The following ATP1A4 variants were observed in gnomAD, a reference collection of about 807,000 sequenced individuals.
The protein encoded by ATP1A4 is sodium/potassium-transporting ATPase subunit alpha-4.
ATP1A4 carries 90 observed loss-of-function variants against 114.3 expected under a neutral mutation model. The ratio of observed to expected loss-of-function variants is 0.79; its 90% confidence interval spans 0.66 to 0.94. The LOEUF (loss-of-function observed/expected upper bound fraction) is 0.94, where lower values mean the gene tolerates loss of function less well. Ranked by LOEUF, ATP1A4 falls within the 40% of genes least tolerant of loss-of-function variation. ATP1A4 has a pLI of 0.00. For synonymous variants in ATP1A4, 511 were observed against 494.1 expected (o/e 1.03, Z -0.45); for missense variants, 1,222 against 1,313.6 (o/e 0.93, Z 1.08).
chr1:160,174,252 T>TCAG lies in ATP1A4; in HGVS notation c.2134_2136dup (p.Gln712dup). 1 of 1,614,032 alleles carries TCAG rather than the reference T, an allele frequency of 6.2e-7. No homozygotes were observed. The highest frequency in any genetic ancestry group is 8.5e-7 in the Non-Finnish European group (1 of 1,179,996). Reference sequence around the variant, plus strand: ...AGAAGCTCATCATTGTCGAGGGATGTCAGAGGCTGGTAAGGAACGAAAAGG... The same window carrying TCAG: ...AGAAGCTCATCATTGTCGAGGGATGTCAGCAGAGGCTGGTAAGGAACGAAAAGG... On this transcript the variant is annotated inframe_insertion, in exon 14 of 22. Transcript: ENST00000368081.
chr1:160,179,433 T>A (rs1303544990), intron 18 of ATP1A4, among the ~76,000 whole-genome samples: 1 of 152,256 alleles, frequency 6.6e-6, no homozygotes, highest in Non-Finnish European at 1.5e-5. Context: ...AAGTTAAGAA[T>A]TCCCCCCTGC....
At position 160,181,543 on chromosome 1, in the gene ATP1A4, G is replaced by A. The variant is rs541263601; in HGVS notation, c.2737-141G>A. 104 of 941,814 alleles carry A rather than the reference G, an allele frequency of 1.1e-4. 1 individual carries two copies. In the African/African-American group the frequency reaches 1.5e-3, roughly 14 times the overall value. 58.3% of individuals were successfully genotyped at this position (941,814 alleles called of 1,614,324 possible). A position where few individuals can be genotyped will look rare whatever the true frequency, so the allele number is the denominator to read the frequency against. On this transcript the variant is annotated intron_variant, in intron 18 of 21. Transcript: ENST00000368081. ...GCACTCCAGCCTAGGCAACAAGAGC[G>A]AGACTTAGTCTCAAAAAAAAAAAAA...
At chr1:160,161,103 T>C (rs1652850300) in intron 6 of ATP1A4, among the ~76,000 whole-genome samples, 1 of 152,176 alleles carries the variant, frequency 6.6e-6, no homozygotes, top group Non-Finnish European at 1.5e-5. Context: ...AAACCCAACA[T>C]GTGGCCAAGA....
intron 10 of ATP1A4, chr1:160,170,811 C>T (rs1653222862): frequency 6.4e-6 from 1 of 155,176 alleles, no homozygotes; most frequent in Non-Finnish European, 1.4e-5. Flanking sequence ...TCTTGAACTC[C>T]TGACCTCAAG....
rs200792972 is a variant in ATP1A4 at position 160,166,614 on chromosome 1, G to A, written c.1134G>A (p.Thr378=). The A allele has an allele frequency of 2.2e-5, 35 of 1,614,104 alleles. No homozygotes were observed. Among genetic ancestry groups the A allele is most frequent in the South Asian group, 1.2e-4 (11 of 91,086 alleles). Residue 378 remains threonine, a synonymous_variant, in exon 8 of 22, where the codon ACG becomes ACA. Coordinates refer to ENST00000368081, the MANE Select transcript of ATP1A4 (RefSeq NM_144699.4). ...NLEAVETLGS[T]STICSDKTGT... ...AGGCGGTGGAGACGCTGGGCTCCAC[G>A]TCCACCATCTGCTCAGACAAGACGG...
intron 20 of ATP1A4, among the ~76,000 whole-genome samples, chr1:160,185,205 C>G (rs910863321): frequency 6.6e-6 from 1 of 151,842 alleles, no homozygotes; most frequent in African/African-American, 2.4e-5. Context: ...CTCCGCCTCC[C>G]GGGTTCAAGT....
chr1:160,155,012 C>G (rs1368444650), intron 2 of ATP1A4, 33 bp from the exon 3 acceptor site: 1 of 1,600,564 alleles, frequency 6.2e-7, no homozygotes, highest in Admixed American at 1.7e-5. Flanking sequence ...CTTTTCACAG[C>G]TCTCTATCCA....
intron 2 of ATP1A4, among the ~76,000 whole-genome samples, chr1:160,153,699 A>C (rs1170411874): frequency 1.3e-5 from 2 of 152,192 alleles, no homozygotes; most frequent in Non-Finnish European, 2.9e-5. Context: ...AGCATCTTAC[A>C]TTTTTGCAAA....
chr1:160,154,391 G>A (rs926319624), intron 2 of ATP1A4, among the ~76,000 whole-genome samples: 1 of 151,978 alleles, frequency 6.6e-6, no homozygotes, highest in Non-Finnish European at 1.5e-5. Context: ...AAATGGATAT[G>A]TAGATGTACA....
chr1:160,171,642 A>G lies in ATP1A4; in HGVS notation c.1739A>G (p.Asp580Gly). 1.2e-6 allele frequency: 2 copies of G among 1,614,162 alleles called. No homozygotes were observed. Among genetic ancestry groups the G allele is most frequent in the Non-Finnish European group, 1.7e-6 (2 of 1,180,028 alleles). Residue 580 changes from aspartate (D) to glycine (G), a missense_variant, in exon 12 of 22, where the codon GAT becomes GGT. Transcript: ENST00000368081. ...TCCAAGGGATTCCCATTTAATACAG[A>G]TGAAATAAATTTCCCCATGGACAAC... ...SFSKGFPFNT[D>G]EINFPMDNLC...
chr1:160,155,139 G>A lies in ATP1A4; in HGVS notation c.302G>A (p.Cys101Tyr), dbSNP rs2102009370. ...ACCACTCCAGAATGGGTCAAATTCT[G>A]TAAGCAACTGTTCGGAGGCTTCTCC... is the stretch of plus-strand genomic sequence containing the variant. ...PPTTPEWVKFCKQLFGGFSLL... is the reference protein window; with the variant it reads ...PPTTPEWVKFYKQLFGGFSLL... The change falls in exon 3 of 22, where the codon TGT becomes TAT. Residue 101 changes from cysteine to tyrosine, a missense_variant. Physicochemically the swap from Cys to Tyr is radical, Grantham distance 194. Transcript: ENST00000368081. 1.2e-6 allele frequency: 2 copies of A among 1,610,540 alleles called. No homozygotes were observed. The highest frequency in any genetic ancestry group is 1.7e-6 in the Non-Finnish European group (2 of 1,178,372).
At chr1:160,163,638 C>A (rs1652934224) in intron 6 of ATP1A4, among the ~76,000 whole-genome samples, 1 of 152,130 alleles carries the variant, frequency 6.6e-6, no homozygotes. Context: ...CAGTAACCCT[C>A]CACATGGTCA....
intron 18 of ATP1A4, among the ~76,000 whole-genome samples, chr1:160,180,694 C>CTTTTTT (rs536915261): frequency 1.5e-5 from 1 of 68,486 alleles, no homozygotes; most frequent in African/African-American, 6.5e-5. Flanking sequence ...GCCTTCTTCC[C>CTTTTTT]TTTTTTTTTT....
intron 18 of ATP1A4, among the ~76,000 whole-genome samples, chr1:160,178,934 T>G (rs1284353658): frequency 6.6e-6 from 1 of 152,252 alleles, no homozygotes; most frequent in Non-Finnish European, 1.5e-5. Context: ...CAATTATTGC[T>G]AGAATTGTAG....
intron 20 of ATP1A4, among the ~76,000 whole-genome samples, chr1:160,182,532 G>A (rs953586254): frequency 1.3e-5 from 2 of 152,014 alleles, no homozygotes; most frequent in African/African-American, 4.8e-5. Context: ...TGCTTGATGT[G>A]GAAAAATTTA....
intron 2 of ATP1A4, among the ~76,000 whole-genome samples, chr1:160,153,996 C>T (rs2102008384): frequency 6.6e-6 from 1 of 152,214 alleles, no homozygotes; most frequent in East Asian, 1.9e-4. Flanking sequence ...CAGGAAAAAG[C>T]ACATAAGCTT....
chr1:160,153,249 G>A, intron 2 of ATP1A4, 25 bp downstream of exon 2: 1 of 1,601,062 alleles, frequency 6.2e-7, no homozygotes, highest in Non-Finnish European at 8.6e-7. Context: ...CCCTGAGGAG[G>A]CAGAGAGTCT....
At chr1:160,182,542 A>G (rs1387764760) in intron 20 of ATP1A4, 1 of 153,856 alleles carries the variant, frequency 6.5e-6, no homozygotes, top group Non-Finnish European at 1.5e-5. Context: ...GGAAAAATTT[A>G]TATTTAAAAA....
chr1:160,153,880 G>A (rs1159238045), intron 2 of ATP1A4, among the ~76,000 whole-genome samples: 1 of 152,120 alleles, frequency 6.6e-6, no homozygotes, highest in East Asian at 1.9e-4. Context: ...TATGAAAATT[G>A]ACCTTGTGGA....
Sources: allele counts gnomAD v4.1 joint callset (sites outside exome capture counted in the v4.1 genomes callset), GRCh38; gene constraint gnomAD v4.1.1; transcripts MANE v1.5; gene names NCBI Gene and HGNC (gene_info 2026-07-23, HGNC 2026-07-21).